Variants in MSI2 observed in about 807,000 individuals in gnomAD.
The protein encoded by MSI2 is RNA-binding protein Musashi homolog 2.
MSI2 carries 17 observed loss-of-function variants against 45.6 expected under a neutral mutation model. The ratio of observed to expected loss-of-function variants is 0.37; its 90% CI spans 0.26 to 0.56. The LOEUF (loss-of-function observed/expected upper bound fraction) is 0.56. MSI2 is among the 20% of genes least tolerant of loss of function. The pLI is 0.77. For synonymous variants in MSI2, 156 were observed against 158.2 expected (o/e 0.99, Z 0.11); for missense variants, 293 against 444.2 (o/e 0.66, Z 3.06).
At chr17:57,497,082 A>G (rs1016824341) in intron 6 of MSI2, among the ~76,000 whole-genome samples, 2 of 152,126 alleles carry the variant, frequency 1.3e-5, no homozygotes, top group Non-Finnish European at 2.9e-5. Flanking sequence ...AGTTCAAGCG[A>G]TTCTCCTGCC....
chr17:57,425,418 G>A (rs1446252064), intron 6 of MSI2, among the ~76,000 whole-genome samples: 5 of 152,196 alleles, frequency 3.3e-5, no homozygotes, highest in Non-Finnish European at 7.3e-5. Context: ...GTAACATTTT[G>A]GTGTAGGCTT....
At chr17:57,504,139 G>C (rs1046440609) in intron 6 of MSI2, among the ~76,000 whole-genome samples, 1 of 152,088 alleles carries the variant, frequency 6.6e-6, no homozygotes, top group Non-Finnish European at 1.5e-5. Context: ...CCTCCTTCAT[G>C]ATGCTGTGAA....
At chr17:57,547,343 C>T (rs1258083795) in intron 7 of MSI2, among the ~76,000 whole-genome samples, 2 of 152,148 alleles carry the variant, frequency 1.3e-5, no homozygotes, top group African/African-American at 4.8e-5. Context: ...AGAAAGATCC[C>T]AGTGGCTCCC....
chr17:57,356,108 C>G (rs1390631268), intron 5 of MSI2, among the ~76,000 whole-genome samples: 1 of 152,138 alleles, frequency 6.6e-6, no homozygotes, highest in Non-Finnish European at 1.5e-5. Flanking sequence ...CTCCTGACCT[C>G]AGGTGATCTG....
intron 13 of MSI2, 70 bp from the exon 14 acceptor site, chr17:57,679,479 T>G (rs4793560): frequency 0.2 from 167,263 of 853,304 alleles, 17,552 homozygotes; most frequent in East Asian, 0.43. Context: ...TGTCTGACAC[T>G]TCTTTCTCCT....
chr17:57,604,019 AGCCCCCAGG>A (rs1319530926), intron 8 of MSI2, among the ~76,000 whole-genome samples: 1 of 152,176 alleles, frequency 6.6e-6, no homozygotes, highest in Admixed American at 6.5e-5. Flanking sequence ...TCTTTGGGGG[AGCCCCCAGG>A]TGGGGAGTGA....
Position 57,307,678 on chromosome 17 carries a change from GCCT to G in MSI2, c.312+45489_312+45491del, listed in dbSNP as rs551801070. Among the ~76,000 whole-genome samples, 380 of 151,420 alleles carry G rather than the reference GCCT, an allele frequency of 2.5e-3. 1 individual carries two copies. The highest frequency in any genetic ancestry group is 8.3e-3 in the African/African-American group (341 of 41,206). Reference sequence around the variant, plus strand: ...GACCTCAGGTGATCTACTTGCCTTGGCCTCCCATCCACTGGCCTTGGCCTCCTT... The same window carrying G: ...GACCTCAGGTGATCTACTTGCCTTGGCCCATCCACTGGCCTTGGCCTCCTT... On this transcript the variant is annotated intron_variant, in intron 5 of 13. Transcript: ENST00000284073.
intron 7 of MSI2, among the ~76,000 whole-genome samples, chr17:57,558,055 CCT>C (rs1356166159): frequency 2.0e-5 from 3 of 152,146 alleles, no homozygotes; most frequent in African/African-American, 2.4e-5. Context: ...ATAACAGCCT[CCT>C]CCCATCTTCT....
chr17:57,305,265 G>A (rs1293013070), intron 5 of MSI2, among the ~76,000 whole-genome samples: 1 of 152,238 alleles, frequency 6.6e-6, no homozygotes, highest in African/African-American at 2.4e-5. Flanking sequence ...CTCACTGACC[G>A]GCATGGGTGA....
Position 57,479,279 on chromosome 17 carries a change from G to A in MSI2, c.406-50397G>A, listed in dbSNP as rs376819963. Among the ~76,000 whole-genome samples, 156 of 152,266 alleles carry A rather than the reference G, an allele frequency of 1.0e-3. 4 individuals are homozygous for A. The South Asian group carries it at 0.032, about 31-fold the overall frequency. On this transcript the variant is annotated intron_variant, in intron 6 of 13. Transcript: ENST00000284073. ...TTTGAGTGTTGGGGTTGAGGGAGAGGCAGCCCCTTTTGCCTTGCGTACTGG... is the reference window on the plus strand; with the variant it reads ...TTTGAGTGTTGGGGTTGAGGGAGAGACAGCCCCTTTTGCCTTGCGTACTGG...
intron 6 of MSI2, among the ~76,000 whole-genome samples, chr17:57,492,439 A>AG (rs1453567852): frequency 2.0e-5 from 3 of 152,220 alleles, no homozygotes; most frequent in Non-Finnish European, 4.4e-5. Flanking sequence ...TCAAATAGAT[A>AG]TCTAAGTCTT....
At position 57,562,009 on chromosome 17, in the gene MSI2, T is replaced by A. The variant is rs570492934; in HGVS notation, c.454+32285T>A. On this transcript the variant is annotated intron_variant, in intron 7 of 13. Coordinates refer to ENST00000284073, the MANE Select transcript of MSI2 (RefSeq NM_138962.4). ...CCTCTCTGACCCTCTCTGATTTTCCTCATCTGTAAAACAGGGATAAGAACA... is the reference window on the plus strand; with the variant it reads ...CCTCTCTGACCCTCTCTGATTTTCCACATCTGTAAAACAGGGATAAGAACA... Among the ~76,000 whole-genome samples the A allele has an allele frequency of 5.1e-4, 78 of 152,344 alleles. 1 individual carries two copies. The South Asian group carries it at 0.015, about 30-fold the overall frequency.
intron 6 of MSI2, among the ~76,000 whole-genome samples, chr17:57,501,914 T>C (rs1272302814): frequency 1.3e-5 from 2 of 152,238 alleles, no homozygotes; most frequent in African/African-American, 4.8e-5. Flanking sequence ...TACAGGTCTA[T>C]TTCAATTTTT....
the MSI2 span, among the ~76,000 whole-genome samples, chr17:57,695,709 A>G: frequency 1.3e-5 from 2 of 152,112 alleles, no homozygotes; most frequent in Non-Finnish European, 2.9e-5. Context: ...TACCCCCTAT[A>G]TTAGTCTGCT....
chr17:57,369,148 A>T (rs1236355164), intron 5 of MSI2, among the ~76,000 whole-genome samples: 1 of 152,196 alleles, frequency 6.6e-6, no homozygotes, highest in Admixed American at 6.5e-5. Flanking sequence ...GGTGGGAATG[A>T]CAGGGTGCTG....
intron 5 of MSI2, among the ~76,000 whole-genome samples, chr17:57,377,128 A>AG (rs2083513224): frequency 6.6e-6 from 1 of 151,986 alleles, no homozygotes. Flanking sequence ...CACTGTGTTT[A>AG]CCAGGATGGT....
intron 5 of MSI2, among the ~76,000 whole-genome samples, chr17:57,270,663 T>C (rs1452090495): frequency 1.3e-5 from 2 of 152,162 alleles, no homozygotes; most frequent in Non-Finnish European, 2.9e-5. Context: ...CGTCCCTCCA[T>C]TGTAGAATTG....
chr17:57,387,951 A>G (rs574757482), intron 5 of MSI2, among the ~76,000 whole-genome samples: 4 of 152,326 alleles, frequency 2.6e-5, no homozygotes, highest in Non-Finnish European at 4.4e-5. Context: ...ACAAGTTTAG[A>G]GAAGCTCAGT....
intron 6 of MSI2, among the ~76,000 whole-genome samples, chr17:57,489,301 G>A (rs2085819919): frequency 6.6e-6 from 1 of 152,182 alleles, no homozygotes; most frequent in Non-Finnish European, 1.5e-5. Flanking sequence ...GGGAGAACAT[G>A]CCCCTAAAGA....
Sources: gnomAD v4.1 joint callset for allele counts (sites outside exome capture counted in the v4.1 genomes callset) on GRCh38, gnomAD v4.1.1 for gene constraint, MANE v1.5 for transcripts, NCBI Gene and HGNC (gene_info 2026-07-23, HGNC 2026-07-21) for gene names.